The following SLC35F1 variants were observed in gnomAD, a reference collection of about 807,000 sequenced individuals.
The protein encoded by SLC35F1 is solute carrier family 35 member F1, also known as chromosome 6 open reading frame 169.
SLC35F1 carries 14 observed loss-of-function variants against 48.7 expected under a neutral mutation model. The observed-to-expected ratio is 0.29, with a 90% CI of 0.19 to 0.45. The LOEUF is 0.45. Ranked by LOEUF, SLC35F1 falls within the 20% of genes least tolerant of loss-of-function variation. The probability of loss-of-function intolerance (pLI) is 1.00; values close to 1 mark genes in which losing one functional copy is unlikely to be tolerated. For missense variants in SLC35F1, 404 were observed against 500.0 expected, an observed-to-expected ratio of 0.81 and a Z score of 1.83; for synonymous variants, 190 against 202.2, an observed-to-expected ratio of 0.94 and a Z score of 0.51.
At chr6:117,935,354 G>A in intron 1 of SLC35F1, among the ~76,000 whole-genome samples, 1 of 152,186 alleles carries the variant, frequency 6.6e-6, no homozygotes. Context: ...CTGAATTCAT[G>A]AATATAGAAT....
intron 2 of SLC35F1, among the ~76,000 whole-genome samples, chr6:118,192,193 G>A (rs778236750): frequency 6.6e-6 from 1 of 152,170 alleles, no homozygotes; most frequent in Admixed American, 6.5e-5. Flanking sequence ...AAATTGTATA[G>A]CTAAGCAGTT....
intron 2 of SLC35F1, among the ~76,000 whole-genome samples, chr6:118,160,826 G>A (rs188799715): frequency 2.0e-5 from 3 of 151,300 alleles, no homozygotes; most frequent in African/African-American, 7.3e-5. Flanking sequence ...TGACCCAATG[G>A]TCCAGTCCCA....
intron 1 of SLC35F1, among the ~76,000 whole-genome samples, chr6:117,938,719 T>C (rs887463543): frequency 1.3e-5 from 2 of 152,240 alleles, no homozygotes; most frequent in Admixed American, 6.5e-5. Context: ...GTCCAAACTA[T>C]GGCAGAGTTG....
chr6:118,097,237 G>A (rs559015844), intron 1 of SLC35F1, among the ~76,000 whole-genome samples: 11 of 152,134 alleles, frequency 7.2e-5, no homozygotes, highest in South Asian at 2.1e-4. Flanking sequence ...CTTTCTGGCC[G>A]CATACCTTTC....
At chr6:118,057,153 A>G (rs1296480442) in intron 1 of SLC35F1, among the ~76,000 whole-genome samples, 2 of 152,210 alleles carry the variant, frequency 1.3e-5, no homozygotes, top group African/African-American at 4.8e-5. Flanking sequence ...GAAGGTTGCC[A>G]TATCACGTGA....
In SLC35F1 at chr6:118,200,145, GACATACATACATATATACATACATACAT is replaced by G. The variant is rs59353033; in HGVS notation, c.350-35350_350-35323del. On this transcript the variant is annotated intron_variant, in intron 2 of 7. Coordinates refer to ENST00000360388, the MANE Select transcript of SLC35F1 (RefSeq NM_001029858.4). ...AGCATAGGTGAGTGCCAGTACCGCTGACATACATACATATATACATACATACATACATACATACATACATACATACATA... is the reference window on the plus strand; with the variant it reads ...AGCATAGGTGAGTGCCAGTACCGCTGACATACATACATACATACATACATA... Among the ~76,000 whole-genome samples, 1,451 of 146,878 alleles carry G rather than the reference GACATACATACATATATACATACATACAT, an allele frequency of 9.9e-3. 29 individuals carry two copies. The highest frequency in any genetic ancestry group is 0.035 in the African/African-American group (1,397 of 39,958).
chr6:118,291,452 C>G (rs431115), intron 7 of SLC35F1, among the ~76,000 whole-genome samples: 1 of 151,900 alleles, frequency 6.6e-6, no homozygotes, highest in African/African-American at 2.4e-5. Flanking sequence ...TCTGGATACC[C>G]GACTCTTATC....
At chr6:117,992,868 T>G (rs1390236005) in intron 1 of SLC35F1, among the ~76,000 whole-genome samples, 1 of 152,238 alleles carries the variant, frequency 6.6e-6, no homozygotes, top group Non-Finnish European at 1.5e-5. Flanking sequence ...CTCTACAATA[T>G]CTATCAGAAA....
At chr6:117,953,478 A>G (rs556091985) in intron 1 of SLC35F1, among the ~76,000 whole-genome samples, 200 of 152,288 alleles carry the variant, frequency 1.3e-3, no homozygotes, top group Non-Finnish European at 2.1e-3. Context: ...TCTGAGAGAC[A>G]CATATATCTA....
Position 118,266,985 on chromosome 6 carries a change from C to T in SLC35F1, c.478-10C>T. Reference sequence around the variant, plus strand: ...CTCCTGTTGTTGTTTACCTTCATCCCTCCCAATAGCTCCTGGACTGTTTTG... The same window carrying T: ...CTCCTGTTGTTGTTTACCTTCATCCTTCCCAATAGCTCCTGGACTGTTTTG... On this transcript the variant is annotated splice_polypyrimidine_tract_variant and intron_variant, in intron 3 of 7. Coordinates refer to ENST00000360388, the MANE Select transcript of SLC35F1 (RefSeq NM_001029858.4). 1 of 1,613,492 alleles carries T rather than the reference C, an allele frequency of 6.2e-7. No individual in the cohort carries two copies. The highest frequency in any genetic ancestry group is 8.5e-7 in the Non-Finnish European group (1 of 1,179,516).
intron 1 of SLC35F1, among the ~76,000 whole-genome samples, chr6:118,034,558 AAAAT>A (rs541887091): frequency 5.3e-5 from 8 of 152,078 alleles, no homozygotes; most frequent in African/African-American, 9.6e-5. Flanking sequence ...ACTCTATCAC[AAAAT>A]AAATAAATAA....
intron 1 of SLC35F1, among the ~76,000 whole-genome samples, chr6:117,909,822 C>G (rs960880299): frequency 6.6e-6 from 1 of 151,990 alleles, no homozygotes. Flanking sequence ...TCTAATGAAA[C>G]GATCTGTGAC....
At chr6:118,211,551 T>C (rs1236822058) in intron 2 of SLC35F1, among the ~76,000 whole-genome samples, 2 of 152,208 alleles carry the variant, frequency 1.3e-5, no homozygotes, top group Non-Finnish European at 2.9e-5. Flanking sequence ...ACATCAATCA[T>C]TATGAAATAT....
chr6:118,208,617 A>G (rs993857279), intron 2 of SLC35F1, among the ~76,000 whole-genome samples: 2 of 152,204 alleles, frequency 1.3e-5, no homozygotes, highest in Non-Finnish European at 2.9e-5. Context: ...TATGAAAGTA[A>G]TTCATGCTTA....
intron 1 of SLC35F1, among the ~76,000 whole-genome samples, chr6:118,040,134 T>C (rs1374931624): frequency 1.3e-4 from 20 of 152,276 alleles, no homozygotes; most frequent in Admixed American, 1.2e-3. Flanking sequence ...TCCTTCTCTG[T>C]CTCTTTACCC....
intron 2 of SLC35F1, among the ~76,000 whole-genome samples, chr6:118,198,568 A>G (rs1774832341): frequency 6.6e-6 from 1 of 152,248 alleles, no homozygotes; most frequent in Non-Finnish European, 1.5e-5. Context: ...TCGTATTGTA[A>G]GCATAATTTA....
At chr6:118,106,583 A>G (rs994166920) in intron 1 of SLC35F1, among the ~76,000 whole-genome samples, 1 of 152,192 alleles carries the variant, frequency 6.6e-6, no homozygotes, top group Non-Finnish European at 1.5e-5. Flanking sequence ...AATAAGTCTT[A>G]CTGGTTTAAT....
chr6:118,229,706 G>A lies in SLC35F1; in HGVS notation c.350-5803G>A, dbSNP rs73766500. On this transcript the variant is annotated intron_variant, in intron 2 of 7. Transcript: ENST00000360388. Reference sequence around the variant, plus strand: ...TTGTCATCTGTATGTGGAGTTAGTAGTAGCATCTAATATATATAGGGTTTT... The same window carrying A: ...TTGTCATCTGTATGTGGAGTTAGTAATAGCATCTAATATATATAGGGTTTT... 9.3e-3 allele frequency among the ~76,000 whole-genome samples: 1,422 copies of A among 152,334 alleles called. 24 individuals are homozygous for A. The highest frequency in any genetic ancestry group is 0.033 in the African/African-American group (1,371 of 41,560).
chr6:118,213,864 C>T (rs1043869567), intron 2 of SLC35F1, among the ~76,000 whole-genome samples: 4 of 152,108 alleles, frequency 2.6e-5, no homozygotes, highest in Non-Finnish European at 4.4e-5. Context: ...AGCATTGCTT[C>T]TTAGGATAGG....
Sources: allele counts gnomAD v4.1 joint callset (sites outside exome capture counted in the v4.1 genomes callset), GRCh38; gene constraint gnomAD v4.1.1; transcripts MANE v1.5; gene names NCBI Gene and HGNC (gene_info 2026-07-23, HGNC 2026-07-21).